SMARCD1: variants seen among roughly 807,000 people sequenced by gnomAD.
SMARCD1 encodes SWI/SNF-related matrix-associated actin-dependent regulator of chromatin subfamily D member 1.
A neutral mutation model predicts 70.8 loss-of-function variants in SMARCD1; 16 were observed. The ratio of observed to expected loss-of-function variants is 0.23; its 90% CI spans 0.15 to 0.34. The LOEUF is 0.34. Ranked by LOEUF, SMARCD1 falls within the 10% of genes least tolerant of loss-of-function variation. The pLI, the probability that SMARCD1 is intolerant of heterozygous loss-of-function variation, is 1.00. For synonymous variants in SMARCD1, 249 were observed against 246.0 expected (o/e 1.01, Z -0.11); for missense variants, 409 against 655.5 (o/e 0.62, Z 4.11).
intron 9 of SMARCD1, among the ~76,000 whole-genome samples, chr12:50,093,782 G>A (rs140030331): frequency 2.0e-5 from 3 of 152,112 alleles, no homozygotes; most frequent in East Asian, 1.9e-4. Context: ...ATGGCTCGCC[G>A]AATTTTTTTT....
chr12:50,086,769 T>TA lies in SMARCD1; in HGVS notation c.423dup (p.Pro142ThrfsTer13). On this transcript the variant is annotated frameshift_variant, in exon 4 of 13. Transcript: ENST00000394963. LOFTEE classifies it high-confidence loss of function. ...TCTGTTCCTAAGATTCGTGAACTGGTACCAGAATCCCAGGCCTATATGGAT... is the reference window on the plus strand; with the variant it reads ...TCTGTTCCTAAGATTCGTGAACTGGTAACCAGAATCCCAGGCCTATATGGAT... The TA allele has an allele frequency of 6.2e-7, 1 of 1,614,122 alleles. No individual in the cohort carries two copies. Among genetic ancestry groups the TA allele is most frequent in the Non-Finnish European group, 8.5e-7 (1 of 1,179,996 alleles).
chr12:50,094,445 C>T lies in SMARCD1; in HGVS notation c.1142C>T (p.Pro381Leu), dbSNP rs768814175. ...IIINHVISVDPNDQKKTACYD... is the reference protein window; with the variant it reads ...IIINHVISVDLNDQKKTACYD... ...TTTGGTTTCCTGTCCAGTGTTGACCCGAATGATCAGAAAAAGACAGCTTGT... is the reference window on the plus strand; with the variant it reads ...TTTGGTTTCCTGTCCAGTGTTGACCTGAATGATCAGAAAAAGACAGCTTGT... The change falls in exon 10 of 13, where the codon CCG (proline) becomes CTG (leucine). Residue 381 changes from proline to leucine, a missense_variant. Around this residue, in one of 2 missense-constraint regions of SMARCD1, gnomAD observed 269 missense variants for 498.6 expected, o/e 0.54. Coordinates refer to ENST00000394963, the MANE Select transcript of SMARCD1 (RefSeq NM_003076.5). 3 of 1,613,800 alleles carry T rather than the reference C, an allele frequency of 1.9e-6. No individual in the cohort carries two copies. Among genetic ancestry groups the T allele is most frequent in the East Asian group, 2.2e-5 (1 of 44,860 alleles).
In SMARCD1 at chr12:50,088,516, T is replaced by G; in HGVS notation, c.655-5T>G. ...CTAATGTGATTTTTATTTTCTCTCC[T>G]CTAGTCAGCCTTGTCCAAATATGAT... On this transcript the variant is annotated splice_polypyrimidine_tract_variant and splice_region_variant and intron_variant, in intron 5 of 12. Transcript: ENST00000394963. 1 of 1,507,040 alleles carries G rather than the reference T, an allele frequency of 6.6e-7. No homozygotes were observed. The highest frequency in any genetic ancestry group is 9.1e-7 in the Non-Finnish European group (1 of 1,098,638). 93.4% of individuals were successfully genotyped at this position (1,507,040 alleles called of 1,614,324 possible). A position where few individuals can be genotyped will look rare whatever the true frequency, so the allele number is the denominator to read the frequency against.
chr12:50,099,175 C>T lies in SMARCD1; in HGVS notation c.*175C>T. The T allele has an allele frequency of 1.6e-6, 1 of 640,470 alleles. No homozygotes were observed. Among genetic ancestry groups the T allele is most frequent in the Non-Finnish European group, 2.8e-6 (1 of 361,258 alleles). The allele number at this position is 640,470 out of a possible 1,614,324, so 39.7% of individuals were successfully genotyped here. A position where few individuals can be genotyped will look rare whatever the true frequency, so the allele number is the denominator to read the frequency against. On this transcript the variant is annotated 3_prime_UTR_variant, in exon 13 of 13. Transcript: ENST00000394963. The stretch of plus-strand genomic sequence containing the variant: ...AGACACCTGTTATCCTCTTCTTTCA[C>T]CCTATCTCTTCCCACCCCCAGCTTC...
In SMARCD1 at chr12:50,090,230, G is replaced by A. The variant is rs73121544; in HGVS notation, c.874-11G>A. Reference sequence around the variant, plus strand: ...AACTAGCTTCATCCCCTATACTTTGGTTCCCTGCAGCCTCCCCAGTTTAAA... The same window carrying A: ...AACTAGCTTCATCCCCTATACTTTGATTCCCTGCAGCCTCCCCAGTTTAAA... On this transcript the variant is annotated splice_polypyrimidine_tract_variant and intron_variant, in intron 7 of 12. Coordinates refer to ENST00000394963, the MANE Select transcript of SMARCD1 (RefSeq NM_003076.5). 0.054 allele frequency: 86,886 copies of A among 1,603,774 alleles called. 2,582 individuals are homozygous for A. The highest frequency in any genetic ancestry group is 0.062 in the Non-Finnish European group (72,744 of 1,175,016).
intron 1 of SMARCD1, 23 bp downstream of exon 1, chr12:50,085,569 C>A: frequency 9.0e-7 from 1 of 1,116,536 alleles, no homozygotes. Flanking sequence ...GGAGGAGGGG[C>A]GCGCGGGCCG....
chr12:50,085,552 T>G lies in SMARCD1; in HGVS notation c.177+6T>G, dbSNP rs1162348723. On this transcript the variant is annotated splice_donor_region_variant and intron_variant, in intron 1 of 12. Transcript: ENST00000394963. ...TGCCCGGAGCGGCCTATCCGGTGAG[T>G]GGGGCAGGAGGAGGGGCGCGCGGGC... 2 of 1,072,466 alleles carry G rather than the reference T, an allele frequency of 1.9e-6. No homozygotes were observed. Among genetic ancestry groups the G allele is most frequent in the African/African-American group, 4.6e-5 (2 of 43,232 alleles). 66.4% of individuals were successfully genotyped at this position (1,072,466 alleles called of 1,614,324 possible).
At chr12:50,091,071 G>A (rs143906300) in intron 9 of SMARCD1, among the ~76,000 whole-genome samples, 10 of 151,630 alleles carry the variant, frequency 6.6e-5, no homozygotes, top group East Asian at 1.9e-4. Context: ...TCTGCCCGCC[G>A]AGCCTCGTGA....
At chr12:50,097,538 C>T (rs868052976) in intron 11 of SMARCD1, among the ~76,000 whole-genome samples, 1 of 150,556 alleles carries the variant, frequency 6.6e-6, no homozygotes, top group African/African-American at 2.4e-5. Flanking sequence ...GGTGACAGAG[C>T]GAAACTCTGT....
rs1466269749 is a variant in SMARCD1, at chr12:50,089,973, G to C, written c.861G>C (p.Met287Ile). 1 of 1,613,530 alleles carries C rather than the reference G, an allele frequency of 6.2e-7. No individual in the cohort carries two copies. The highest frequency in any genetic ancestry group is 1.3e-5 in the African/African-American group (1 of 74,910). The change falls in exon 7 of 13, where the codon ATG becomes ATC. Residue 287 changes from methionine to isoleucine, a missense_variant. Physicochemically the swap from Met to Ile is conservative, Grantham distance 10 (BLOSUM62 1). This residue lies in a region of SMARCD1 where 269 missense variants were observed against 498.6 expected (regional missense o/e 0.54). Coordinates refer to ENST00000394963, the MANE Select transcript of SMARCD1 (RefSeq NM_003076.5). ...ATGTACGGTGTACTGTCCTACTGAT[G>C]CTGGATTACCAGGTATTCTGTGGTG... ...DVNVRCTVLL[M>I]LDYQPPQFKL...
intron 10 of SMARCD1, chr12:50,096,568 G>A (rs1950895003): frequency 3.2e-6 from 1 of 311,142 alleles, no homozygotes; most frequent in Non-Finnish European, 6.1e-6. Context: ...TTTGTGCTGT[G>A]GAGTAAGTAT....
At chr12:50,087,541 C>T (rs1950802609) in intron 5 of SMARCD1, 56 bp downstream of exon 5, 2 of 1,597,954 alleles carry the variant, frequency 1.3e-6, no homozygotes, top group Non-Finnish European at 1.7e-6. Flanking sequence ...TGGGAATGAA[C>T]AGTGTTGTCT....
At chr12:50,088,420 A>G (rs2137878255) in intron 5 of SMARCD1, 101 bp from the exon 6 acceptor site, 3 of 711,870 alleles carry the variant, frequency 4.2e-6, no homozygotes, top group Non-Finnish European at 7.5e-6. Context: ...ATATTTTTTG[A>G]GTTTTTTTCC....
intron 2 of SMARCD1, 30 bp downstream of exon 2, chr12:50,086,378 G>A: frequency 5.4e-6 from 8 of 1,481,960 alleles, no homozygotes; most frequent in Non-Finnish European, 7.4e-6. Context: ...GAGGGAGGGA[G>A]GGAGGGAGCC....
chr12:50,094,997 C>T (rs767573162), intron 10 of SMARCD1, among the ~76,000 whole-genome samples: 2 of 152,252 alleles, frequency 1.3e-5, no homozygotes, highest in East Asian at 1.9e-4. Context: ...GAGGTTTCAC[C>T]ATGTTGGCCA....
chr12:50,085,446 C>A lies in SMARCD1; in HGVS notation c.77C>A (p.Ala26Asp). Residue 26 changes from alanine to aspartate, a missense_variant, in exon 1 of 13, where the codon GCT (alanine) becomes GAT (aspartate). Ala to Asp is a moderately radical substitution (Grantham distance 126). Around this residue, in one of 2 missense-constraint regions of SMARCD1, gnomAD observed 140 missense variants for 156.9 expected, o/e 0.89. Coordinates refer to ENST00000394963, the MANE Select transcript of SMARCD1 (RefSeq NM_003076.5). ...AGASGGAGAA[A>D]ALGPGGTPGP... is the part of the protein sequence containing the mutation. ...GCCTCAGGAGGGGCGGGCGCGGCTG[C>A]TGCCTTGGGCCCGGGCGGAACTCCG... is the stretch of plus-strand genomic sequence containing the variant. The A allele has an allele frequency of 8.1e-7, 1 of 1,239,702 alleles. No individual in the cohort carries two copies. The highest frequency in any genetic ancestry group is 1.0e-6 in the Non-Finnish European group (1 of 992,852). 76.8% of individuals were successfully genotyped at this position (1,239,702 alleles called of 1,614,324 possible).
At chr12:50,089,814 A>G (rs1950824734) in intron 6 of SMARCD1, 70 bp from the exon 7 acceptor site, 4 of 1,085,828 alleles carry the variant, frequency 3.7e-6, no homozygotes, top group South Asian at 1.3e-5. Flanking sequence ...TTCAGTCATT[A>G]CAGAAGCTCT....
At chr12:50,087,713 T>C (rs552839535) in intron 5 of SMARCD1, among the ~76,000 whole-genome samples, 17 of 152,320 alleles carry the variant, frequency 1.1e-4, no homozygotes, top group Middle Eastern at 6.8e-3. Context: ...GGGATCTGAT[T>C]TGTGGTTTAC....
chr12:50,088,093 C>CA (rs1296309772), intron 5 of SMARCD1: 4 of 516,250 alleles, frequency 7.7e-6, no homozygotes, highest in Non-Finnish European at 1.4e-5. Flanking sequence ...GGCTCAGTGT[C>CA]AGAGCCTCCT....
Sources: gnomAD v4.1 joint callset for allele counts (sites outside exome capture counted in the v4.1 genomes callset) on GRCh38, gnomAD v4.1.1 for gene constraint, gnomAD v4.1.1 regional missense constraint, MANE v1.5 for transcripts, NCBI Gene and HGNC (gene_info 2026-07-23, HGNC 2026-07-21) for gene names.